SH3BGRL2: variants seen among roughly 807,000 people sequenced by gnomAD.
The protein encoded by SH3BGRL2 is SH3 domain-binding glutamic acid-rich-like protein 2.
In SH3BGRL2, 21 loss-of-function variants were observed where a neutral mutation model predicts 14.8. The ratio of observed to expected loss-of-function variants is 1.42; its 90% CI spans 1.01 to 2.05. SH3BGRL2 has a LOEUF of 2.05. Among genes scored for constraint, SH3BGRL2 ranks in the 30% most tolerant of loss-of-function variants. The probability of loss-of-function intolerance (pLI) is 0.00; values close to 1 mark genes in which losing one functional copy is unlikely to be tolerated. For missense variants in SH3BGRL2, 147 were observed against 130.8 expected, an observed-to-expected ratio of 1.12 and a Z score of -0.61; for synonymous variants, 50 against 47.8, an observed-to-expected ratio of 1.05 and a Z score of -0.19.
chr6:79,686,917 C>T (rs1319200097), intron 2 of SH3BGRL2, among the ~76,000 whole-genome samples: 1 of 152,142 alleles, frequency 6.6e-6, no homozygotes, highest in Non-Finnish European at 1.5e-5. Context: ...GACTTCAGTG[C>T]GTGTCCCTCC....
At chr6:79,583,425 A>G in the SH3BGRL2 span, among the ~76,000 whole-genome samples, 2 of 152,244 alleles carry the variant, frequency 1.3e-5, no homozygotes, top group African/African-American at 4.8e-5. Context: ...AATGTGGCAT[A>G]TATACACCAT....
the SH3BGRL2 span, among the ~76,000 whole-genome samples, chr6:79,600,808 C>G: frequency 1.3e-5 from 2 of 152,132 alleles, no homozygotes; most frequent in Non-Finnish European, 2.9e-5. Context: ...GGGTTCCCAG[C>G]TTCTTTTGCC....
chr6:79,603,730 C>T, the SH3BGRL2 span, among the ~76,000 whole-genome samples: 15 of 152,274 alleles, frequency 9.9e-5, no homozygotes, highest in Admixed American at 8.5e-4. Flanking sequence ...CATAGATAAG[C>T]AACTTTCAAC....
At chr6:79,685,467 A>G (rs1433451854) in intron 2 of SH3BGRL2, among the ~76,000 whole-genome samples, 1 of 151,896 alleles carries the variant, frequency 6.6e-6, no homozygotes, top group Non-Finnish European at 1.5e-5. Flanking sequence ...CTGCTTTGTC[A>G]TTTTTCTAAG....
At chr6:79,645,822 G>A (rs756471469) in intron 1 of SH3BGRL2, among the ~76,000 whole-genome samples, 10 of 152,138 alleles carry the variant, frequency 6.6e-5, no homozygotes, top group Non-Finnish European at 1.2e-4. Context: ...CTTTGGAGAG[G>A]TTGACTACTG....
intron 1 of SH3BGRL2, 125 bp downstream of exon 1, chr6:79,631,631 C>G: frequency 1.5e-6 from 1 of 659,282 alleles, no homozygotes; most frequent in Non-Finnish European, 2.1e-6. Context: ...CCGCGCCCGG[C>G]AGGTGATCCA....
At chr6:79,654,585 G>A (rs1419850229) in intron 1 of SH3BGRL2, among the ~76,000 whole-genome samples, 1 of 152,178 alleles carries the variant, frequency 6.6e-6, no homozygotes, top group Non-Finnish European at 1.5e-5. Context: ...CCAAAGGTGA[G>A]CTGAATTAAA....
intron 2 of SH3BGRL2, among the ~76,000 whole-genome samples, chr6:79,682,657 G>C (rs1184130136): frequency 6.6e-6 from 1 of 152,202 alleles, no homozygotes; most frequent in Admixed American, 6.5e-5. Flanking sequence ...CTGCCCATCT[G>C]CCCGGAACAT....
the SH3BGRL2 span, among the ~76,000 whole-genome samples, chr6:79,550,422 T>A: frequency 1.3e-5 from 2 of 152,162 alleles, no homozygotes; most frequent in Non-Finnish European, 2.9e-5. Context: ...AAGGTAATCC[T>A]CTGCTTAGGT....
At chr6:79,639,671 A>C (rs1366261990) in intron 1 of SH3BGRL2, among the ~76,000 whole-genome samples, 1 of 152,150 alleles carries the variant, frequency 6.6e-6, no homozygotes, top group Admixed American at 6.5e-5. Flanking sequence ...GGGGTCTAGA[A>C]ATTATTATTT....
the SH3BGRL2 span, among the ~76,000 whole-genome samples, chr6:79,538,975 G>A: frequency 6.6e-6 from 1 of 152,102 alleles, no homozygotes; most frequent in Non-Finnish European, 1.5e-5. Flanking sequence ...TCGTGGTTTC[G>A]GATTTAGTGC....
At chr6:79,540,926 G>A in the SH3BGRL2 span, among the ~76,000 whole-genome samples, 26 of 152,188 alleles carry the variant, frequency 1.7e-4, no homozygotes, top group African/African-American at 5.3e-4. Flanking sequence ...TTGGAGTGAT[G>A]TGAATATGCT....
chr6:79,589,507 G>A, the SH3BGRL2 span, among the ~76,000 whole-genome samples: 15 of 151,980 alleles, frequency 9.9e-5, no homozygotes, highest in African/African-American at 3.6e-4. Flanking sequence ...TCATTGAAGA[G>A]CAAAACTTAT....
At chr6:79,594,719 A>G in the SH3BGRL2 span, among the ~76,000 whole-genome samples, 1 of 152,148 alleles carries the variant, frequency 6.6e-6, no homozygotes, top group Non-Finnish European at 1.5e-5. Context: ...AGGACCCTGG[A>G]GGAGTCTTAG....
intron 1 of SH3BGRL2, among the ~76,000 whole-genome samples, chr6:79,662,029 C>A (rs562031103): frequency 1.8e-4 from 28 of 152,090 alleles, no homozygotes; most frequent in Admixed American, 1.6e-3. Flanking sequence ...TATTTTGAGC[C>A]TATATGTGTC....
chr6:79,574,750 G>A, the SH3BGRL2 span: 7 of 152,136 alleles, frequency 4.6e-5, no homozygotes, highest in African/African-American at 1.7e-4. Context: ...ACAATTTGTT[G>A]GTGGTATATC....
chr6:79,542,718 A>C, the SH3BGRL2 span, among the ~76,000 whole-genome samples: 1 of 152,106 alleles, frequency 6.6e-6, no homozygotes, highest in Admixed American at 6.5e-5. Flanking sequence ...TTCCTTCTCA[A>C]TGTCTCTGTT....
chr6:79,619,789 G>A, the SH3BGRL2 span, among the ~76,000 whole-genome samples: 1 of 152,132 alleles, frequency 6.6e-6, no homozygotes. Flanking sequence ...TTTAGCTTCT[G>A]CATCTATTCC....
chr6:79,679,412 T>G (rs1456782160), intron 2 of SH3BGRL2, among the ~76,000 whole-genome samples: 1 of 151,986 alleles, frequency 6.6e-6, no homozygotes, highest in Non-Finnish European at 1.5e-5. Flanking sequence ...CTTTTATGTC[T>G]TCTTTTGAGA....
Sources: gnomAD v4.1 joint callset for allele counts (sites outside exome capture counted in the v4.1 genomes callset) on GRCh38, gnomAD v4.1.1 for gene constraint, MANE v1.5 for transcripts, NCBI Gene and HGNC (gene_info 2026-07-23, HGNC 2026-07-21) for gene names.